The following ANKRD40 variants were observed in gnomAD, a reference collection of about 807,000 sequenced individuals.
ANKRD40 encodes ankyrin repeat domain-containing protein 40.
In ANKRD40, 24 loss-of-function variants were observed where a neutral mutation model predicts 35.5. That is an observed-to-expected ratio of 0.68 (90% CI 0.49 to 0.95). The LOEUF is 0.95. Among genes scored for constraint, ANKRD40 ranks in the 40% least tolerant of loss-of-function variants. The pLI is 0.00. For synonymous variants in ANKRD40, 147 were observed against 173.5 expected (o/e 0.85, Z 1.20); for missense variants, 361 against 436.0 (o/e 0.83, Z 1.53).
Position 50,699,591 on chromosome 17 carries a change from T to C in ANKRD40, c.586A>G (p.Ile196Val), listed in dbSNP as rs975638883. ...QNGDVSAPSA[I>V]LRTPESTKPG... is the part of the protein sequence containing the mutation. ...TTTGTGCTTTCTGGTGTTCTGAGTATGGCAGAGGGGGCCGACACATCACCA... is the reference window on the plus strand; with the variant it reads ...TTTGTGCTTTCTGGTGTTCTGAGTACGGCAGAGGGGGCCGACACATCACCA... The change falls in exon 3 of 5, where the codon ATA (isoleucine) becomes GTA (valine). Residue 196 changes from isoleucine to valine, a missense_variant. By Grantham distance (29) the Ile-to-Val change is conservative (BLOSUM62 3). Coordinates refer to ENST00000285243, the MANE Select transcript of ANKRD40 (RefSeq NM_052855.4). 1.9e-6 allele frequency: 3 copies of C among 1,614,064 alleles called. No individual in the cohort carries two copies. The highest frequency in any genetic ancestry group is 2.2e-5 in the South Asian group (2 of 91,090).
chr17:50,701,728 T>C (rs1968275282), intron 1 of ANKRD40, among the ~76,000 whole-genome samples: 2 of 152,236 alleles, frequency 1.3e-5, no homozygotes, highest in Non-Finnish European at 2.9e-5. Flanking sequence ...TTCAGAGCTC[T>C]TATAGCCAAA....
chr17:50,704,395 A>C (rs1455385039), intron 1 of ANKRD40, among the ~76,000 whole-genome samples: 1 of 151,870 alleles, frequency 6.6e-6, no homozygotes, highest in Non-Finnish European at 1.5e-5. Context: ...ACACACCTGT[A>C]ATCCTAGTTA....
chr17:50,706,928 A>G (rs1968347394), intron 1 of ANKRD40, among the ~76,000 whole-genome samples: 1 of 148,420 alleles, frequency 6.7e-6, no homozygotes, highest in Non-Finnish European at 1.5e-5. Flanking sequence ...AAAAAAAAAA[A>G]AAAAGAAAGA....
chr17:50,699,608 A>G lies in ANKRD40; in HGVS notation c.569T>C (p.Val190Ala), dbSNP rs150864143. 2 of 1,614,080 alleles carry G rather than the reference A, an allele frequency of 1.2e-6. No homozygotes were observed. Among genetic ancestry groups the G allele is most frequent in the Non-Finnish European group, 8.5e-7 (1 of 1,180,054 alleles). The change falls in exon 3 of 5, where the codon GTG becomes GCG. Residue 190 changes from valine to alanine, a missense_variant. By Grantham distance (64) the Val-to-Ala change is moderately conservative (BLOSUM62 0). This residue lies in a region of ANKRD40 where 172 missense variants were observed against 174.0 expected (regional missense o/e 0.99). Transcript: ENST00000285243. ...TSLALVQNGD[V>A]SAPSAILRTP... ...TCTGAGTATGGCAGAGGGGGCCGAC[A>G]CATCACCATTCTGAACTAGTGCCAA... is the stretch of plus-strand genomic sequence containing the variant.
At chr17:50,706,923 A>G (rs1968347298) in intron 1 of ANKRD40, among the ~76,000 whole-genome samples, 2 of 149,846 alleles carry the variant, frequency 1.3e-5, no homozygotes, top group African/African-American at 2.4e-5. Context: ...AAAAAAAAAA[A>G]AAAAAAAAAG....
In ANKRD40 at chr17:50,699,859, GTCATCATCA is replaced by G. The variant is rs138572332; in HGVS notation, c.309_317del (p.Asp104_Asp106del). ...ACTCCTTCTTCAGCTGGGGGAGGTT[GTCATCATCA>G]TCATCATCATCATCTTCTTCTTCCA... On this transcript the variant is annotated inframe_deletion, in exon 3 of 5. Transcript: ENST00000285243. The G allele has an allele frequency of 1.6e-5, 24 of 1,515,544 alleles. No homozygotes were observed. The highest frequency in any genetic ancestry group is 2.8e-5 in the African/African-American group (2 of 71,562). 93.9% of individuals were successfully genotyped at this position (1,515,544 alleles called of 1,614,324 possible).
At chr17:50,700,888 T>C (rs1968265089) in intron 1 of ANKRD40, 172 bp from the exon 2 acceptor site, 2 of 543,176 alleles carry the variant, frequency 3.7e-6, no homozygotes, top group South Asian at 3.5e-5. Context: ...TTTAATATGC[T>C]TAAATTTTGT....
chr17:50,700,847 T>C, intron 1 of ANKRD40, 131 bp from the exon 2 acceptor site: 1 of 761,790 alleles, frequency 1.3e-6, no homozygotes, highest in Non-Finnish European at 1.9e-6. Context: ...GCTGGTAATC[T>C]CAACTTTTCA....
At chr17:50,700,171 C>T (rs1038430834) in intron 2 of ANKRD40, 7 of 309,680 alleles carry the variant, frequency 2.3e-5, no homozygotes, top group Admixed American at 4.5e-5. Context: ...TTGCCGGGAG[C>T]GGTGCCTCAT....
intron 3 of ANKRD40, among the ~76,000 whole-genome samples, chr17:50,698,787 G>C (rs1191391082): frequency 1.3e-5 from 2 of 152,044 alleles, no homozygotes; most frequent in Admixed American, 6.6e-5. Context: ...ATGGATTACA[G>C]AACAGCATTA....
intron 4 of ANKRD40, chr17:50,696,656 T>C (rs1597866479): frequency 3.4e-6 from 1 of 291,354 alleles, no homozygotes; most frequent in East Asian, 6.0e-5. Flanking sequence ...CTGGTCTGAA[T>C]GCAATGGTGT....
In ANKRD40 at chr17:50,699,563, G is replaced by A. The variant is rs575400685; in HGVS notation, c.614C>T (p.Pro205Leu). Residue 205 changes from proline to leucine, a missense_variant, in exon 3 of 5, where the codon CCG becomes CTG. Around this residue, in one of 5 missense-constraint regions of ANKRD40, gnomAD observed 172 missense variants for 174.0 expected, o/e 0.99. Coordinates refer to ENST00000285243, the MANE Select transcript of ANKRD40 (RefSeq NM_052855.4). Reference protein sequence around the residue: ...AILRTPESTKPGPVCQPPVSQ... With the variant: ...AILRTPESTKLGPVCQPPVSQ... ...CACTGGTGGCTGACAAACAGGACCC[G>A]GTTTTGTGCTTTCTGGTGTTCTGAG... 5.5e-5 allele frequency: 88 copies of A among 1,614,186 alleles called. No individual in the cohort carries two copies. The highest frequency in any genetic ancestry group is 1.2e-4 in the Admixed American group (7 of 60,014).
rs1050472279 is a variant in ANKRD40, at chr17:50,695,074, TA to T, written c.*922del. The T allele has an allele frequency of 5.3e-5, 8 of 149,860 alleles. No individual in the cohort carries two copies. In the South Asian group the frequency reaches 8.4e-4, roughly 16 times the overall value. The allele number at this position is 149,860 out of a possible 1,614,324, so 9.3% of individuals were successfully genotyped here. On this transcript the variant is annotated 3_prime_UTR_variant, in exon 5 of 5. Transcript: ENST00000285243. ...ACATATGACTGGAATCACTTCAGAG[TA>T]AAAAAAAAGTGGGCTGGGTGCAGTG...
chr17:50,697,465 T>C (rs925424021), intron 3 of ANKRD40, among the ~76,000 whole-genome samples: 8 of 152,184 alleles, frequency 5.3e-5, no homozygotes, highest in African/African-American at 1.9e-4. Context: ...GGTATCAAAC[T>C]ATACATGAAC....
rs117204968 is a variant in ANKRD40, at chr17:50,707,573, T to C, written c.82A>G (p.Lys28Glu). ...AALGDIREVQ[K>E]LVESGVDVNS... Reference sequence around the variant, plus strand: ...ACATCCACCCCGCTCTCCACCAGTTTCTGCACCTCCCGAATGTCCCCTAAG... The same window carrying C: ...ACATCCACCCCGCTCTCCACCAGTTCCTGCACCTCCCGAATGTCCCCTAAG... Residue 28 changes from lysine (K) to glutamate (E), a missense_variant, in exon 1 of 5, where the codon AAA becomes GAA. Physicochemically the swap from Lys to Glu is moderately conservative, Grantham distance 56 (BLOSUM62 1). Around this residue, in one of 5 missense-constraint regions of ANKRD40, gnomAD observed 56 missense variants for 47.1 expected, o/e 1.19. Transcript: ENST00000285243. This position sits in a 1 kb window ranked among gnomAD's most constrained non-coding sequence, Gnocchi z 4.8. The C allele has an allele frequency of 6.4e-4, 1,032 of 1,607,982 alleles. 7 individuals carry two copies. The East Asian group carries it at 0.02, about 30-fold the overall frequency.
chr17:50,703,204 C>T (rs1463914631), intron 1 of ANKRD40, among the ~76,000 whole-genome samples: 1 of 152,108 alleles, frequency 6.6e-6, no homozygotes, highest in Middle Eastern at 3.2e-3. Context: ...TAGCATATTG[C>T]TTCATAATAA....
intron 1 of ANKRD40, among the ~76,000 whole-genome samples, chr17:50,705,378 G>A (rs572838228): frequency 4.2e-4 from 62 of 148,716 alleles, no homozygotes; most frequent in Non-Finnish European, 7.7e-4. Context: ...GAGGAATGCT[G>A]AGAAAAGGTT....
Position 50,707,690 on chromosome 17 carries a change from T to TGCCCC in ANKRD40, c.-41_-37dup, listed in dbSNP as rs1015537672. On this transcript the variant is annotated 5_prime_UTR_variant, in exon 1 of 5. Coordinates refer to ENST00000285243, the MANE Select transcript of ANKRD40 (RefSeq NM_052855.4). This position sits in a 1 kb window ranked among gnomAD's most constrained non-coding sequence, Gnocchi z 4.8. Reference sequence around the variant, plus strand: ...CCCCAGGCCCCCGCCCAGGCCCGCCTGCCCCGCCCCGCCCGGGGCCTGTCA... The same window carrying TGCCCC: ...CCCCAGGCCCCCGCCCAGGCCCGCCTGCCCCGCCCCGCCCCGCCCGGGGCCTGTCA... The TGCCCC allele has an allele frequency of 3.0e-5, 40 of 1,338,434 alleles. No individual in the cohort carries two copies. Among genetic ancestry groups the TGCCCC allele is most frequent in the African/African-American group, 7.6e-5 (5 of 65,564 alleles). The allele number at this position is 1,338,434 out of a possible 1,614,324, so 82.9% of individuals were successfully genotyped here. A position where few individuals can be genotyped will look rare whatever the true frequency, so the allele number is the denominator to read the frequency against.
Position 50,696,999 on chromosome 17 carries a change from C to A in ANKRD40, c.901G>T (p.Gly301Cys). The change falls in exon 4 of 5, where the codon GGT becomes TGT. Residue 301 changes from glycine to cysteine, a missense_variant. Coordinates refer to ENST00000285243, the MANE Select transcript of ANKRD40 (RefSeq NM_052855.4). The stretch of plus-strand genomic sequence containing the variant: ...TTCTCCACTTGATCTGGATTAACAC[C>A]CAGCTCACAGCAACACACTCTGAGC... ...ELLRVCCCEL[G>C]VNPDQVEKIR... 6.2e-7 allele frequency: 1 copy of A among 1,613,930 alleles called. No individual in the cohort carries two copies. The highest frequency in any genetic ancestry group is 1.1e-5 in the South Asian group (1 of 91,034).
Sources: gnomAD v4.1 joint callset for allele counts (sites outside exome capture counted in the v4.1 genomes callset) on GRCh38, gnomAD v4.1.1 for gene constraint, gnomAD v4.1.1 regional missense constraint, Gnocchi (gnomAD v3.1) non-coding constraint, MANE v1.5 for transcripts, NCBI Gene and HGNC (gene_info 2026-07-23, HGNC 2026-07-21) for gene names.